Variants in CCDC170 observed in about 807,000 individuals in gnomAD.
CCDC170 encodes coiled-coil domain-containing protein 170.
A neutral mutation model predicts 72.6 loss-of-function variants in CCDC170; 69 were observed. The ratio of observed to expected loss-of-function variants is 0.95; its 90% CI spans 0.78 to 1.16. CCDC170 has a LOEUF of 1.16. CCDC170 is among the 50% of genes most tolerant of loss of function. The pLI, the probability that CCDC170 is intolerant of heterozygous loss-of-function variation, is 0.00. For missense variants in CCDC170, 852 were observed against 832.5 expected (o/e 1.02, Z -0.29); for synonymous variants, 300 against 303.9 (o/e 0.99, Z 0.13).
At chr6:151,617,835 C>T in intron 10 of CCDC170, 112 bp from the exon 11 acceptor site, 1 of 924,868 alleles carries the variant, frequency 1.1e-6, no homozygotes, top group Non-Finnish European at 1.6e-6. Context: ...GATAATTTCC[C>T]TACCTCATGC....
intron 4 of CCDC170, among the ~76,000 whole-genome samples, chr6:151,545,168 C>T (rs1019716606): frequency 6.6e-6 from 1 of 152,088 alleles, no homozygotes; most frequent in African/African-American, 2.4e-5. Context: ...GCCTGTAATC[C>T]CAGCACTTTG....
chr6:151,511,906 G>A (rs534835507), intron 1 of CCDC170, among the ~76,000 whole-genome samples: 1 of 152,200 alleles, frequency 6.6e-6, no homozygotes, highest in South Asian at 2.1e-4. Flanking sequence ...GGACTGCGGT[G>A]GCACGATCAG....
rs371826768 is a variant in CCDC170, at chr6:151,617,708, CAAT to C, written c.1948-237_1948-235del. 2.5e-3 allele frequency among the ~76,000 whole-genome samples: 383 copies of C among 152,128 alleles called. 14 individuals carry two copies. In the South Asian group the frequency reaches 0.063, roughly 25 times the overall value. On this transcript the variant is annotated intron_variant, in intron 10 of 10. Transcript: ENST00000239374. ...TAACTTGGATTCTTGACTTAGTAGCCAATACCACATCAGTTGGCTCATCAGAAA... is the reference window on the plus strand; with the variant it reads ...TAACTTGGATTCTTGACTTAGTAGCCACCACATCAGTTGGCTCATCAGAAA...
At position 151,588,561 on chromosome 6, in the gene CCDC170, G is replaced by A. The variant is rs1387263934; in HGVS notation, c.1293+2472G>A. ...TAGTGGTTTTGTGAATGGAAATAGGGGATAGATTTGAGAAGTCTGGGAGAG... is the reference window on the plus strand; with the variant it reads ...TAGTGGTTTTGTGAATGGAAATAGGAGATAGATTTGAGAAGTCTGGGAGAG... On this transcript the variant is annotated intron_variant, in intron 7 of 10. Transcript: ENST00000239374. 2.6e-5 allele frequency among the ~76,000 whole-genome samples: 4 copies of A among 152,264 alleles called. No homozygotes were observed. In the South Asian group the frequency reaches 8.3e-4, roughly 32 times the overall value.
At chr6:151,608,590 T>C (rs1276872717) in intron 9 of CCDC170, among the ~76,000 whole-genome samples, 1 of 152,232 alleles carries the variant, frequency 6.6e-6, no homozygotes, top group Non-Finnish European at 1.5e-5. Flanking sequence ...GTTAGCAGTA[T>C]CTGTGAGTAC....
At position 151,494,198 on chromosome 6, in the gene CCDC170, C is replaced by T. The variant is rs1467397762; in HGVS notation, c.57+13C>T. The T allele has an allele frequency of 6.7e-7, 1 of 1,500,888 alleles. No homozygotes were observed. The allele number at this position is 1,500,888 out of a possible 1,614,324, so 93.0% of individuals were successfully genotyped here. A position where few individuals can be genotyped will look rare whatever the true frequency, so the allele number is the denominator to read the frequency against. On this transcript the variant is annotated intron_variant, in intron 1 of 10. Transcript: ENST00000239374. ...GCCAGCGCCCGAGGTACGGTCCCAG[C>T]CGCCGGCCGCGCGCGGGGGTGGCCC...
chr6:151,562,510 C>T (rs1475735907), intron 5 of CCDC170, among the ~76,000 whole-genome samples: 2 of 152,102 alleles, frequency 1.3e-5, no homozygotes, highest in African/African-American at 4.8e-5. Context: ...TGGATAGCTT[C>T]TGTGTGGTGG....
chr6:151,606,407 T>C (rs1645436209), intron 9 of CCDC170, among the ~76,000 whole-genome samples: 1 of 152,224 alleles, frequency 6.6e-6, no homozygotes, highest in South Asian at 2.1e-4. Flanking sequence ...TGTTGTTTAA[T>C]TTCCATGTAT....
At chr6:151,507,160 G>A (rs1002028798) in intron 1 of CCDC170, among the ~76,000 whole-genome samples, 3 of 152,104 alleles carry the variant, frequency 2.0e-5, no homozygotes, top group Non-Finnish European at 4.4e-5. Flanking sequence ...AGGCCCACAG[G>A]TACTTCACAC....
intron 8 of CCDC170, among the ~76,000 whole-genome samples, chr6:151,593,791 C>T (rs546340389): frequency 1.3e-5 from 2 of 152,190 alleles, no homozygotes; most frequent in South Asian, 2.1e-4. Flanking sequence ...TTAAAAAAGG[C>T]ACTCAGAATT....
At chr6:151,601,057 G>A (rs146365580) in intron 9 of CCDC170, among the ~76,000 whole-genome samples, 16 of 152,230 alleles carry the variant, frequency 1.1e-4, no homozygotes, top group African/African-American at 3.9e-4. Context: ...AGACATACCC[G>A]AGACTGGGCA....
chr6:151,572,192 C>T (rs1370014045), intron 5 of CCDC170, among the ~76,000 whole-genome samples: 11 of 152,144 alleles, frequency 7.2e-5, no homozygotes, highest in Admixed American at 6.5e-4. Context: ...AAGTATGATA[C>T]TTTCCCTCTA....
Position 151,596,453 on chromosome 6 carries a change from A to G in CCDC170, c.1586A>G (p.Asp529Gly). Residue 529 changes from aspartate to glycine, a missense_variant, in exon 9 of 11, where the codon GAC (aspartate) becomes GGC (glycine). Physicochemically the swap from Asp to Gly is moderately conservative, Grantham distance 94. Transcript: ENST00000239374. Reference protein sequence around the residue: ...QARTALVVERDNAHLTIRNLQ... With the variant: ...QARTALVVERGNAHLTIRNLQ... ...CGCACGGCCTTGGTGGTTGAGAGGG[A>G]CAACGCGCATCTTACCATCAGGAAC... 6.2e-7 allele frequency: 1 copy of G among 1,614,184 alleles called. No homozygotes were observed. Among genetic ancestry groups the G allele is most frequent in the South Asian group, 1.1e-5 (1 of 91,080 alleles).
intron 1 of CCDC170, among the ~76,000 whole-genome samples, chr6:151,516,082 A>C (rs186052755): frequency 5.3e-5 from 8 of 151,902 alleles, no homozygotes; most frequent in Admixed American, 2.0e-4. Flanking sequence ...AAAAAAAAAG[A>C]AAAGACAAAT....
chr6:151,586,552 G>T (rs1776453669), intron 7 of CCDC170, among the ~76,000 whole-genome samples: 1 of 152,052 alleles, frequency 6.6e-6, no homozygotes, highest in African/African-American at 2.4e-5. Context: ...GACAGATACT[G>T]TAGGGGAAAC....
At chr6:151,591,387 GA>G (rs939889901) in intron 7 of CCDC170, among the ~76,000 whole-genome samples, 27 of 152,122 alleles carry the variant, frequency 1.8e-4, no homozygotes, top group African/African-American at 6.3e-4. Context: ...TCAAGCAGAG[GA>G]AAACCTTTAA....
At chr6:151,499,332 A>G (rs940623510) in intron 1 of CCDC170, among the ~76,000 whole-genome samples, 3 of 133,402 alleles carry the variant, frequency 2.2e-5, no homozygotes, top group South Asian at 2.4e-4. Flanking sequence ...CACACTGTAT[A>G]AGTGGAATCA....
chr6:151,582,786 A>C (rs1416666491), intron 6 of CCDC170, among the ~76,000 whole-genome samples: 1 of 152,094 alleles, frequency 6.6e-6, no homozygotes, highest in African/African-American at 2.4e-5. Flanking sequence ...GGCTCTTTTC[A>C]ACAACCAGAG....
At chr6:151,595,963 G>A (rs564782059) in intron 8 of CCDC170, among the ~76,000 whole-genome samples, 56 of 152,286 alleles carry the variant, frequency 3.7e-4, no homozygotes, top group Non-Finnish European at 6.9e-4. Flanking sequence ...TATTGTGGCC[G>A]TTAGATGTTG....
Sources: allele counts gnomAD v4.1 joint callset (sites outside exome capture counted in the v4.1 genomes callset), GRCh38; gene constraint gnomAD v4.1.1; transcripts MANE v1.5; gene names NCBI Gene and HGNC (gene_info 2026-07-23, HGNC 2026-07-21).